PHC2: variants seen among roughly 807,000 people sequenced by gnomAD.
PHC2 encodes polyhomeotic homolog 2, also known as polyhomeotic-like protein 2.
In PHC2, 29 loss-of-function variants were observed where a neutral mutation model predicts 87.4. The ratio of observed to expected loss-of-function variants is 0.33; its 90% confidence interval spans 0.25 to 0.45. The LOEUF (loss-of-function observed/expected upper bound fraction) is 0.45. PHC2 is among the 20% of genes least tolerant of loss of function. The pLI, the probability that PHC2 is intolerant of heterozygous loss-of-function variation, is 1.00. For synonymous variants in PHC2, 438 were observed against 461.7 expected, an observed-to-expected ratio of 0.95 and a Z score of 0.66; for missense variants, 857 against 1,136.7, an observed-to-expected ratio of 0.75 and a Z score of 3.54.
chr1:33,379,717 G>A (rs183191016), intron 1 of PHC2, among the ~76,000 whole-genome samples: 3 of 150,382 alleles, frequency 2.0e-5, no homozygotes, highest in Non-Finnish European at 3.0e-5. Context: ...ATACGAGCAC[G>A]TCCTCCCCCT....
chr1:33,331,664 T>C lies in PHC2; in HGVS notation c.1892-202A>G. 2 of 473,784 alleles carry C rather than the reference T, an allele frequency of 4.2e-6. No homozygotes were observed. The highest frequency in any genetic ancestry group is 7.5e-6 in the Non-Finnish European group (2 of 268,170). 29.3% of individuals were successfully genotyped at this position (473,784 alleles called of 1,614,324 possible). On this transcript the variant is annotated intron_variant, in intron 11 of 14. Coordinates refer to ENST00000683057, the MANE Select transcript of PHC2 (RefSeq NM_001385109.1). This position sits in a 1 kb window ranked among gnomAD's most constrained non-coding sequence, Gnocchi z 5.2. ...CAAGGGTGTCTGGGGATGCCCCTTGTAGACTTGACATTTTTTTCTTCCACG... is the reference window on the plus strand; with the variant it reads ...CAAGGGTGTCTGGGGATGCCCCTTGCAGACTTGACATTTTTTTCTTCCACG...
intron 1 of PHC2, among the ~76,000 whole-genome samples, chr1:33,396,841 C>T (rs1444914282): frequency 6.6e-6 from 1 of 152,172 alleles, no homozygotes; most frequent in South Asian, 2.1e-4. Flanking sequence ...TTGGAGGAGA[C>T]ACTCTGAGCT....
chr1:33,328,525 AT>A (rs1322407854), intron 14 of PHC2, among the ~76,000 whole-genome samples: 1 of 150,902 alleles, frequency 6.6e-6, no homozygotes, highest in Non-Finnish European at 1.5e-5. Flanking sequence ...TATTTTCTTA[AT>A]TTTGATGTTC....
intron 1 of PHC2, among the ~76,000 whole-genome samples, chr1:33,396,445 T>A (rs981364964): frequency 2.6e-5 from 4 of 152,226 alleles, no homozygotes; most frequent in Middle Eastern, 3.2e-3. Flanking sequence ...TCTGCATAAT[T>A]GCTTCATTTC....
In PHC2 at chr1:33,340,546, G is replaced by T. The variant is rs532441802; in HGVS notation, c.1559-6254C>A. Among the ~76,000 whole-genome samples the T allele has an allele frequency of 1.1e-3, 171 of 152,332 alleles. 1 individual carries two copies. The Middle Eastern group carries it at 0.014, about 12-fold the overall frequency. On this transcript the variant is annotated intron_variant, in intron 9 of 14. Transcript: ENST00000683057. ...TGCAGTGCGGTAAGCTGAGGACAGAGTGCCCAGTCCTCATGGAAAGATCTG... is the reference window on the plus strand; with the variant it reads ...TGCAGTGCGGTAAGCTGAGGACAGATTGCCCAGTCCTCATGGAAAGATCTG...
intron 1 of PHC2, among the ~76,000 whole-genome samples, chr1:33,400,445 G>C (rs575808406): frequency 1.3e-5 from 2 of 152,210 alleles, no homozygotes; most frequent in Non-Finnish European, 2.9e-5. Context: ...GAAAACGCTA[G>C]CAGTTAACAT....
chr1:33,418,765 A>G (rs978514293), intron 1 of PHC2, among the ~76,000 whole-genome samples: 1 of 152,228 alleles, frequency 6.6e-6, no homozygotes, highest in South Asian at 2.1e-4. Flanking sequence ...CCCTGATACC[A>G]AAACTACACA....
intron 1 of PHC2, among the ~76,000 whole-genome samples, chr1:33,409,153 T>C (rs1649884540): frequency 6.6e-6 from 1 of 152,238 alleles, no homozygotes; most frequent in South Asian, 2.1e-4. Context: ...AGAGCCATAG[T>C]ATTTTACATA....
Position 33,372,278 on chromosome 1 carries a change from C to A in PHC2, c.333+11G>T. The A allele has an allele frequency of 6.5e-7, 1 of 1,529,588 alleles. No homozygotes were observed. Among genetic ancestry groups the A allele is most frequent in the South Asian group, 1.3e-5 (1 of 79,858 alleles). 94.8% of individuals were successfully genotyped at this position (1,529,588 alleles called of 1,614,324 possible). A position where few individuals can be genotyped will look rare whatever the true frequency, so the allele number is the denominator to read the frequency against. On this transcript the variant is annotated intron_variant, in intron 3 of 14. Transcript: ENST00000683057. ...CCTGGCACCAGCCTCAAGGTCCTTC[C>A]CAAGTCTCACCTGCTGTACGGCTGC...
intron 12 of PHC2, 121 bp from the exon 13 acceptor site, chr1:33,330,333 C>T (rs754039588): frequency 1.1e-5 from 11 of 997,630 alleles, no homozygotes; most frequent in Non-Finnish European, 1.7e-5. Flanking sequence ...CAGATCCTAA[C>T]TCCATCACTA....
At chr1:33,373,309 C>T (rs1477897388) in intron 2 of PHC2, among the ~76,000 whole-genome samples, 8 of 152,050 alleles carry the variant, frequency 5.3e-5, no homozygotes, top group Non-Finnish European at 1.0e-4. Context: ...TTAGTAGAGA[C>T]GGGGTTTTAC....
chr1:33,356,275 ATG>A (rs34100807), intron 7 of PHC2, among the ~76,000 whole-genome samples: 28,912 of 102,034 alleles, frequency 0.28, 3,733 homozygotes, highest in African/African-American at 0.36. Context: ...ATATATATAT[ATG>A]TATATATATA....
intron 1 of PHC2, among the ~76,000 whole-genome samples, chr1:33,405,612 G>T (rs1649728171): frequency 6.6e-6 from 1 of 151,988 alleles, no homozygotes; most frequent in Admixed American, 6.6e-5. Context: ...ACCTTCTTCA[G>T]ATTTAATTTG....
intron 8 of PHC2, 127 bp from the exon 9 acceptor site, chr1:33,354,693 G>A (rs892701521): frequency 7.7e-7 from 1 of 1,301,996 alleles, no homozygotes; most frequent in Non-Finnish European, 1.1e-6. Flanking sequence ...CCTCAAATTG[G>A]GGAAGGCCCT....
chr1:33,383,650 G>A (rs1367160585), intron 1 of PHC2, among the ~76,000 whole-genome samples: 3 of 152,210 alleles, frequency 2.0e-5, no homozygotes, highest in East Asian at 1.9e-4. Context: ...GCTTGGGGAC[G>A]GGATGGATGA....
At chr1:33,414,177 T>TCACACACACACACACA (rs201845759) in intron 1 of PHC2, among the ~76,000 whole-genome samples, 1 of 142,754 alleles carries the variant, frequency 7.0e-6, no homozygotes, top group Non-Finnish European at 1.5e-5. Context: ...TCTCTCTCTG[T>TCACACACACACACACA]CACACACACA....
chr1:33,333,227 G>A (rs1018612960), intron 10 of PHC2: 5 of 152,260 alleles, frequency 3.3e-5, no homozygotes, highest in African/African-American at 1.2e-4. Context: ...AAGAAGCTAT[G>A]TGTCTTTTGG....
At chr1:33,421,067 T>C (rs1488758435) in intron 1 of PHC2, among the ~76,000 whole-genome samples, 1 of 152,228 alleles carries the variant, frequency 6.6e-6, no homozygotes, top group African/African-American at 2.4e-5. Flanking sequence ...ATTCCAATTA[T>C]TATTATGCAA....
chr1:33,372,474 C>T, intron 2 of PHC2, 27 bp from the exon 3 acceptor site: 3 of 1,509,802 alleles, frequency 2.0e-6, no homozygotes, highest in Non-Finnish European at 2.7e-6. Context: ...GGGGAAGAGC[C>T]AGGCTGGTAG....
Sources: gnomAD v4.1 joint callset for allele counts (sites outside exome capture counted in the v4.1 genomes callset) on GRCh38, gnomAD v4.1.1 for gene constraint, Gnocchi (gnomAD v3.1) non-coding constraint, MANE v1.5 for transcripts, NCBI Gene and HGNC (gene_info 2026-07-23, HGNC 2026-07-21) for gene names.